Variants in CDK16 observed in about 807,000 individuals in gnomAD.
The protein encoded by CDK16 is cyclin-dependent kinase 16.
CDK16 carries 2 observed loss-of-function variants against 41.6 expected under a neutral mutation model. The ratio of observed to expected loss-of-function variants is 0.05; its 90% confidence interval spans 0.02 to 0.15. The LOEUF (loss-of-function observed/expected upper bound fraction) is 0.15, where lower values mean the gene tolerates loss of function less well. Among genes scored for constraint, CDK16 ranks in the 10% least tolerant of loss-of-function variants. CDK16 has a pLI of 1.00. For synonymous variants in CDK16, 169 were observed against 169.7 expected (o/e 1.00, Z 0.03); for missense variants, 228 against 428.9 (o/e 0.53, Z 4.14).
intron 7 of CDK16, 28 bp from the exon 8 acceptor site, chrX:47,225,937 A>G: frequency 8.3e-7 from 1 of 1,201,454 alleles, no homozygotes; most frequent in Non-Finnish European, 1.1e-6. Context: ...AGTAACCCTC[A>G]TTCCTGTACC....
At chrX:47,222,312 C>T (rs1163707055) in intron 1 of CDK16, 2 of 111,456 alleles carry the variant, frequency 1.8e-5, no homozygotes, top group Non-Finnish European at 3.8e-5. Context: ...CAGAAATCTA[C>T]CCTGGCGGAG....
At position 47,218,868 on chromosome X, in the gene CDK16, C is replaced by G; in HGVS notation, c.-244C>G. 9.0e-7 allele frequency: 1 copy of G among 1,113,553 alleles called. No individual in the cohort carries two copies. Among genetic ancestry groups the G allele is most frequent in the Non-Finnish European group, 1.2e-6 (1 of 851,635 alleles). 91.8% of individuals were successfully genotyped at this position (1,113,553 alleles called of 1,213,427 possible). On this transcript the variant is annotated 5_prime_UTR_variant, in exon 1 of 16. Coordinates refer to ENST00000357227, the MANE Select transcript of CDK16 (RefSeq NM_006201.5). ...AGTCCGGGGGCATCGCCCGCAGCGG[C>G]CAAGCTCATGGCCGGCTGAGCGGGA...
upstream of CDK16, chrX:47,218,572 C>T: frequency 1.8e-6 from 2 of 1,141,016 alleles, no homozygotes; most frequent in Non-Finnish European, 2.3e-6. Context: ...CTCCCTGGTG[C>T]CGTCTCCGGC....
At position 47,218,779 on chromosome X, in the gene CDK16, C is replaced by T. The variant is rs1164519690; in HGVS notation, c.-333C>T. 4 of 1,153,289 alleles carry T rather than the reference C, an allele frequency of 3.5e-6. No individual in the cohort carries two copies. In the African/African-American group the frequency reaches 7.2e-5, roughly 21 times the overall value. On this transcript the variant is annotated 5_prime_UTR_variant, in exon 1 of 16. Transcript: ENST00000357227. Reference sequence around the variant, plus strand: ...TTCGGCCCTGGGATCCGCCGCCACTCCGCGATCAGACCGCTCTGTGCCGCG... The same window carrying T: ...TTCGGCCCTGGGATCCGCCGCCACTTCGCGATCAGACCGCTCTGTGCCGCG...
chrX:47,218,312 A>G (rs782415753), upstream of CDK16: 1 of 236,208 alleles, frequency 4.2e-6, no homozygotes, highest in South Asian at 1.2e-4. Flanking sequence ...CCTCTCCTCG[A>G]AAAGTCATCT....
intron 1 of CDK16, 105 bp from the exon 2 acceptor site, chrX:47,223,447 C>G (rs1355844922): frequency 5.0e-6 from 5 of 998,833 alleles, no homozygotes; most frequent in Non-Finnish European, 6.9e-6. Flanking sequence ...TGAGCACTGA[C>G]AAGTTCATGT....
intron 15 of CDK16, 31 bp downstream of exon 15, chrX:47,228,675 C>G: frequency 1.7e-6 from 2 of 1,207,131 alleles, no homozygotes; most frequent in Non-Finnish European, 2.2e-6. Context: ...TCCTCCCTGC[C>G]CCACCCACCT....
At chrX:47,227,614 G>A in intron 14 of CDK16, 145 bp downstream of exon 14, 1 of 441,857 alleles carries the variant, frequency 2.3e-6, no homozygotes, top group Non-Finnish European at 4.0e-6. Flanking sequence ...GGTTGTATTT[G>A]TTATGAAAAC....
intron 1 of CDK16, among the ~76,000 whole-genome samples, chrX:47,220,402 C>T (rs1459010945): frequency 9.5e-6 from 1 of 105,619 alleles, no homozygotes; most frequent in African/African-American, 3.5e-5. Flanking sequence ...TATCTCTGAG[C>T]AGAGAGCAAT....
chrX:47,226,501 G>GACAC (rs1415294036), intron 9 of CDK16, 82 bp from the exon 10 acceptor site: 13 of 1,193,418 alleles, frequency 1.1e-5, no homozygotes, highest in Non-Finnish European at 1.4e-5. Flanking sequence ...TTTTGCCTAG[G>GACAC]ACACCCTCAG....
chrX:47,218,591 G>C, upstream of CDK16: 1 of 1,151,980 alleles, frequency 8.7e-7, no homozygotes. Context: ...GCTTGGCGCC[G>C]CATCCTCCTC....
At chrX:47,224,280 G>A in intron 2 of CDK16, 105 bp from the exon 3 acceptor site, 2 of 901,007 alleles carry the variant, frequency 2.2e-6, no homozygotes, top group Non-Finnish European at 3.0e-6. Context: ...TCCTGTGGGG[G>A]CCACGTGCAC....
chrX:47,226,854 C>A lies in CDK16; in HGVS notation c.1080C>A (p.Pro360=). The A allele has an allele frequency of 8.3e-7, 1 of 1,210,862 alleles. No homozygotes were observed. The highest frequency in any genetic ancestry group is 1.8e-5 in the South Asian group (1 of 56,701). Residue 360 remains proline, a synonymous_variant, in exon 11 of 16, where the codon CCC becomes CCA. Coordinates refer to ENST00000357227, the MANE Select transcript of CDK16 (RefSeq NM_006201.5). ...TCTATGAGATGGCCACAGGCCGTCC[C>A]CTCTTTCCGGGCTCCACGGTGGAGG... is the stretch of plus-strand genomic sequence containing the variant. ...CIFYEMATGR[P]LFPGSTVEEQ...
intron 1 of CDK16, chrX:47,222,750 T>G: frequency 9.9e-6 from 2 of 201,214 alleles, no homozygotes; most frequent in Non-Finnish European, 9.2e-6. Flanking sequence ...GGGGCGTGTA[T>G]TTGGGGTGAT....
chrX:47,219,847 T>C (rs921404034), intron 1 of CDK16, among the ~76,000 whole-genome samples: 4 of 109,911 alleles, frequency 3.6e-5, no homozygotes, highest in Admixed American at 2.9e-4. Context: ...GTCTAGGTAG[T>C]TTGGGACCCA....
rs1176413655 is a variant in CDK16 at position 47,229,501 on chromosome X, C to T, written c.*733C>T. On this transcript the variant is annotated 3_prime_UTR_variant, in exon 16 of 16. Transcript: ENST00000357227. ...ATGCCACAGCCACTCGCCTTCCTAC[C>T]CCCGCCCGCCATCCCCAGTTGCAGG... 2 of 266,783 alleles carry T rather than the reference C, an allele frequency of 7.5e-6. No individual in the cohort carries two copies. The highest frequency in any genetic ancestry group is 7.2e-6 in the Non-Finnish European group (1 of 139,322). 22.0% of individuals were successfully genotyped at this position (266,783 alleles called of 1,213,427 possible).
chrX:47,227,845 C>G (rs762395866), intron 14 of CDK16: 1 of 149,433 alleles, frequency 6.7e-6, no homozygotes, highest in Non-Finnish European at 1.3e-5. Flanking sequence ...CTCCCCACCC[C>G]CAGCTCCCTT....
intron 4 of CDK16, 36 bp from the exon 5 acceptor site, chrX:47,224,798 C>T (rs775608871): frequency 8.3e-7 from 1 of 1,209,262 alleles, no homozygotes; most frequent in African/African-American, 1.8e-5. Context: ...GACCCTTCTC[C>T]TGAGCCAGCT....
intron 1 of CDK16, chrX:47,222,731 T>C (rs1240746902): frequency 1.3e-5 from 2 of 159,798 alleles, no homozygotes; most frequent in African/African-American, 6.2e-5. Context: ...GTGGGCCACA[T>C]TGAGGACTGG....
Sources: gnomAD v4.1 joint callset for allele counts (sites outside exome capture counted in the v4.1 genomes callset) on GRCh38, gnomAD v4.1.1 for gene constraint, MANE v1.5 for transcripts, NCBI Gene and HGNC (gene_info 2026-07-23, HGNC 2026-07-21) for gene names.